CALN1: variants seen among roughly 807,000 people sequenced by gnomAD.
The protein encoded by CALN1 is calneuron 1.
Under a neutral mutation model 30.6 loss-of-function variants are expected in CALN1, and 17 were observed. The ratio of observed to expected loss-of-function variants is 0.56; its 90% CI spans 0.38 to 0.83. The LOEUF (loss-of-function observed/expected upper bound fraction) is 0.83. CALN1 is among the 40% of genes least tolerant of loss of function. The pLI, the probability that CALN1 is intolerant of heterozygous loss-of-function variation, is 0.00. For synonymous variants in CALN1, 156 were observed against 131.4 expected (o/e 1.19, Z -1.28); for missense variants, 291 against 354.9 (o/e 0.82, Z 1.45).
intron 2 of CALN1, among the ~76,000 whole-genome samples, chr7:72,299,684 CTTATCTTT>C (rs921743404): frequency 7.4e-5 from 10 of 135,266 alleles, no homozygotes; most frequent in African/African-American, 2.8e-4. Context: ...AAAAGATGCT[CTTATCTTT>C]TTTTTTTTTT....
intron 5 of CALN1, among the ~76,000 whole-genome samples, chr7:71,851,205 T>TGAAA (rs1172746650): frequency 5.0e-5 from 3 of 59,920 alleles, no homozygotes; most frequent in Middle Eastern, 9.3e-3. Context: ...AGACCTTGTC[T>TGAAA]CAAACACACA....
chr7:72,110,624 G>C (rs1034356292), intron 3 of CALN1, among the ~76,000 whole-genome samples: 2 of 150,318 alleles, frequency 1.3e-5, no homozygotes, highest in Non-Finnish European at 3.0e-5. Flanking sequence ...GTGTGTGTCT[G>C]TCTGTCTGCA....
chr7:72,282,967 G>A (rs1797831756), intron 2 of CALN1, among the ~76,000 whole-genome samples: 1 of 150,862 alleles, frequency 6.6e-6, no homozygotes, highest in Non-Finnish European at 1.5e-5. Flanking sequence ...GAGGCACAAG[G>A]ATCACTTGAA....
In CALN1 at chr7:71,786,613, C is replaced by G. The variant is rs1002827586; in HGVS notation, c.*1162G>C. 4 of 152,182 alleles carry G rather than the reference C, an allele frequency of 2.6e-5. No homozygotes were observed. The South Asian group carries it at 6.2e-4, about 24-fold the overall frequency. The allele number at this position is 152,182 out of a possible 1,614,324, so 9.4% of individuals were successfully genotyped here. On this transcript the variant is annotated 3_prime_UTR_variant, in exon 7 of 7. Coordinates refer to ENST00000395275, the MANE Select transcript of CALN1 (RefSeq NM_031468.4). ...TTGCAGAATCTGAAGGCCAGAAGATCTTATGTGAAAATACAGTCGTTTGAT... is the reference window on the plus strand; with the variant it reads ...TTGCAGAATCTGAAGGCCAGAAGATGTTATGTGAAAATACAGTCGTTTGAT...
chr7:71,945,775 G>A (rs1796375737), intron 5 of CALN1, among the ~76,000 whole-genome samples: 1 of 152,170 alleles, frequency 6.6e-6, no homozygotes, highest in African/African-American at 2.4e-5. Flanking sequence ...ATTACACGTT[G>A]TGTAATTATT....
At chr7:72,020,301 C>T (rs1800631297) in intron 5 of CALN1, among the ~76,000 whole-genome samples, 2 of 152,086 alleles carry the variant, frequency 1.3e-5, no homozygotes, top group Non-Finnish European at 2.9e-5. Flanking sequence ...TGTATATTAT[C>T]TTCAATCACT....
chr7:71,824,554 C>T (rs889431171), intron 5 of CALN1, among the ~76,000 whole-genome samples: 2 of 152,058 alleles, frequency 1.3e-5, no homozygotes, highest in Non-Finnish European at 2.9e-5. Flanking sequence ...CTCCATTTTT[C>T]GTCCCTGACT....
At chr7:72,400,539 G>A (rs988294524) in intron 2 of CALN1, among the ~76,000 whole-genome samples, 1 of 152,134 alleles carries the variant, frequency 6.6e-6, no homozygotes, top group African/African-American at 2.4e-5. Flanking sequence ...TCAGTAAACT[G>A]ATGGGAGCAG....
chr7:72,179,516 A>G (rs1444391589), intron 3 of CALN1, among the ~76,000 whole-genome samples: 1 of 152,204 alleles, frequency 6.6e-6, no homozygotes, highest in Non-Finnish European at 1.5e-5. Flanking sequence ...ACATTGGTAG[A>G]CTATGTAACT....
chr7:72,417,997 T>C (rs2129563537), intron 1 of CALN1, among the ~76,000 whole-genome samples: 1 of 152,350 alleles, frequency 6.6e-6, no homozygotes, highest in African/African-American at 2.4e-5. Context: ...AGAAGGTACA[T>C]GTGCCGGTTG....
intron 2 of CALN1, among the ~76,000 whole-genome samples, chr7:72,377,436 C>T (rs1451808944): frequency 7.0e-6 from 1 of 142,336 alleles, no homozygotes; most frequent in Non-Finnish European, 1.5e-5. Flanking sequence ...GCCACACTTT[C>T]GTGTGTGTGT....
intron 3 of CALN1, among the ~76,000 whole-genome samples, chr7:72,224,140 C>T (rs1417872628): frequency 6.6e-6 from 1 of 152,064 alleles, no homozygotes; most frequent in Non-Finnish European, 1.5e-5. Flanking sequence ...ACAATATACC[C>T]TTGTAACAAA....
intron 4 of CALN1, among the ~76,000 whole-genome samples, chr7:72,058,261 A>C (rs895436298): frequency 9.5e-5 from 14 of 147,786 alleles, no homozygotes; most frequent in African/African-American, 3.0e-4. Flanking sequence ...GGGAGTAAAT[A>C]TCTCTTAGTG....
intron 3 of CALN1, among the ~76,000 whole-genome samples, chr7:72,131,255 G>A (rs762366037): frequency 1.1e-4 from 17 of 152,172 alleles, no homozygotes; most frequent in Non-Finnish European, 2.4e-4. Context: ...TGATTTTTCA[G>A]CGGGGATGTA....
At chr7:72,424,797 A>C (rs535616089) in intron 1 of CALN1, among the ~76,000 whole-genome samples, 1 of 151,990 alleles carries the variant, frequency 6.6e-6, no homozygotes, top group Non-Finnish European at 1.5e-5. Context: ...GGATTTTGCT[A>C]TGTTGACCAG....
the CALN1 span, among the ~76,000 whole-genome samples, chr7:72,487,543 G>C: frequency 6.6e-6 from 1 of 151,308 alleles, no homozygotes. Flanking sequence ...AAAATTAGCT[G>C]GGTGTGGTGG....
chr7:71,837,389 C>T (rs1027802346), intron 5 of CALN1, among the ~76,000 whole-genome samples: 2 of 151,020 alleles, frequency 1.3e-5, no homozygotes, highest in African/African-American at 2.4e-5. Context: ...ATAAAGAAAA[C>T]ATTGTGCAAA....
intron 2 of CALN1, among the ~76,000 whole-genome samples, chr7:72,286,832 T>TG (rs1170319585): frequency 1.3e-5 from 2 of 152,170 alleles, no homozygotes; most frequent in Non-Finnish European, 2.9e-5. Flanking sequence ...AAAAGCCTAT[T>TG]GCCAATAATG....
chr7:72,212,493 G>T (rs955151105), intron 3 of CALN1, among the ~76,000 whole-genome samples: 3 of 152,038 alleles, frequency 2.0e-5, no homozygotes, highest in Non-Finnish European at 4.4e-5. Context: ...CAATGCATTG[G>T]GGGTACCATA....
Sources: allele counts gnomAD v4.1 joint callset (sites outside exome capture counted in the v4.1 genomes callset), GRCh38; gene constraint gnomAD v4.1.1; transcripts MANE v1.5; gene names NCBI Gene and HGNC (gene_info 2026-07-23, HGNC 2026-07-21).